Variants in CLIP2 observed in about 807,000 individuals in gnomAD.
The protein encoded by CLIP2 is CAP-Gly domain-containing linker protein 2.
CLIP2 carries 41 observed loss-of-function variants against 111.7 expected under a neutral mutation model. That is an observed-to-expected ratio of 0.37 (90% CI 0.29 to 0.48). The LOEUF is 0.48. Ranked by LOEUF, CLIP2 falls within the 20% of genes least tolerant of loss-of-function variation. The pLI, the probability that CLIP2 is intolerant of heterozygous loss-of-function variation, is 0.99. For synonymous variants in CLIP2, 660 were observed against 644.2 expected (o/e 1.02, Z -0.37); for missense variants, 1,160 against 1,422.1 (o/e 0.82, Z 2.96).
intron 2 of CLIP2, among the ~76,000 whole-genome samples, chr7:74,328,969 G>A (rs890638226): frequency 2.0e-5 from 3 of 150,640 alleles, no homozygotes; most frequent in Non-Finnish European, 3.0e-5. Flanking sequence ...CTGGAGTGCA[G>A]TGGTGCGATC....
At chr7:74,301,065 CCTTTCCT>C (rs1425646291) in intron 1 of CLIP2, among the ~76,000 whole-genome samples, 1 of 152,178 alleles carries the variant, frequency 6.6e-6, no homozygotes, top group African/African-American at 2.4e-5. Context: ...ATACGCGTTC[CCTTTCCT>C]CCACATCCTC....
intron 13 of CLIP2, among the ~76,000 whole-genome samples, chr7:74,391,813 CTG>C (rs781918366): frequency 7.9e-5 from 12 of 151,274 alleles, no homozygotes; most frequent in Non-Finnish European, 1.6e-4. Context: ...GAGTGAGACT[CTG>C]TCTCAAAGAA....
intron 2 of CLIP2, among the ~76,000 whole-genome samples, chr7:74,332,288 G>A (rs1326250846): frequency 6.6e-6 from 1 of 151,916 alleles, no homozygotes; most frequent in African/African-American, 2.4e-5. Flanking sequence ...TGACCAGGCT[G>A]TTCTTGAACT....
At chr7:74,357,977 G>A (rs547316968) in intron 6 of CLIP2, among the ~76,000 whole-genome samples, 91 of 150,500 alleles carry the variant, frequency 6.0e-4, no homozygotes, top group Non-Finnish European at 9.9e-4. Context: ...GGCTGGTCTC[G>A]AACTCCTGAC....
At chr7:74,330,059 G>A (rs542434457) in intron 2 of CLIP2, among the ~76,000 whole-genome samples, 8 of 151,696 alleles carry the variant, frequency 5.3e-5, no homozygotes, top group Non-Finnish European at 1.2e-4. Flanking sequence ...AATTACAGAT[G>A]TGAGCCACTG....
intron 1 of CLIP2, among the ~76,000 whole-genome samples, chr7:74,293,528 A>G (rs1371137212): frequency 1.3e-5 from 2 of 151,484 alleles, no homozygotes; most frequent in African/African-American, 4.8e-5. Flanking sequence ...GAGGAAGCCC[A>G]CCCGCCTCTG....
chr7:74,357,216 G>A (rs1790171931), intron 5 of CLIP2, 64 bp from the exon 6 acceptor site: 7 of 1,471,716 alleles, frequency 4.8e-6, no homozygotes, highest in Non-Finnish European at 6.6e-6. Flanking sequence ...AGGCTGGACA[G>A]AGCCAGTCTG....
chr7:74,340,098 A>G (rs1789615653), intron 3 of CLIP2, among the ~76,000 whole-genome samples: 1 of 151,250 alleles, frequency 6.6e-6, no homozygotes, highest in African/African-American at 2.4e-5. Flanking sequence ...TGTTTCAATA[A>G]TAATAATAAT....
intron 1 of CLIP2, among the ~76,000 whole-genome samples, chr7:74,315,031 CT>C (rs1239840582): frequency 2.6e-5 from 4 of 152,050 alleles, no homozygotes; most frequent in African/African-American, 9.7e-5. Flanking sequence ...AATCCCAGCA[CT>C]TTGGGAGGCG....
At chr7:74,332,601 G>A (rs1480476878) in intron 2 of CLIP2, among the ~76,000 whole-genome samples, 2 of 151,612 alleles carry the variant, frequency 1.3e-5, no homozygotes, top group Admixed American at 6.6e-5. Context: ...CCCAACCAGG[G>A]TGATGAGTTT....
At chr7:74,373,506 A>G (rs1554312307) in intron 9 of CLIP2, among the ~76,000 whole-genome samples, 1 of 152,086 alleles carries the variant, frequency 6.6e-6, no homozygotes. Flanking sequence ...TCAAAAACAA[A>G]ACAAAAAGAA....
chr7:74,292,394 T>C (rs1487476000), intron 1 of CLIP2, among the ~76,000 whole-genome samples: 1 of 152,200 alleles, frequency 6.6e-6, no homozygotes, highest in Non-Finnish European at 1.5e-5. Context: ...AGAATTGTTC[T>C]GAGCTTTTTT....
chr7:74,365,738 C>G (rs931728151), intron 8 of CLIP2, among the ~76,000 whole-genome samples: 11 of 152,128 alleles, frequency 7.2e-5, no homozygotes, highest in Admixed American at 1.3e-4. Context: ...AAGTCCCACT[C>G]ATCCCCTCAT....
intron 1 of CLIP2, among the ~76,000 whole-genome samples, chr7:74,317,249 G>A (rs560187207): frequency 6.6e-6 from 1 of 152,178 alleles, no homozygotes; most frequent in Non-Finnish European, 1.5e-5. Context: ...TAAGGCAATA[G>A]CCTCTCTGTG....
intron 8 of CLIP2, among the ~76,000 whole-genome samples, chr7:74,366,172 A>G (rs1172744074): frequency 2.0e-5 from 3 of 151,454 alleles, no homozygotes; most frequent in Admixed American, 1.3e-4. Flanking sequence ...GCCTGTCTTT[A>G]TTGCAAAACC....
intron 13 of CLIP2, among the ~76,000 whole-genome samples, chr7:74,395,090 CA>C (rs1195407103): frequency 4.6e-5 from 7 of 152,318 alleles, no homozygotes; most frequent in African/African-American, 1.4e-4. Flanking sequence ...CAGCTGTCAA[CA>C]GCCTCCTTCC....
chr7:74,351,386 G>A (rs1789991809), intron 3 of CLIP2, among the ~76,000 whole-genome samples: 1 of 148,118 alleles, frequency 6.8e-6, no homozygotes, highest in Non-Finnish European at 1.5e-5. Context: ...AGGAGGCCAA[G>A]GTTGTGGTGA....
chr7:74,330,606 TA>T (rs781854410), intron 2 of CLIP2, among the ~76,000 whole-genome samples: 10 of 152,004 alleles, frequency 6.6e-5, no homozygotes, highest in Non-Finnish European at 1.3e-4. Flanking sequence ...CCTCTTCCCC[TA>T]CCCCCAGGCC....
intron 1 of CLIP2, among the ~76,000 whole-genome samples, chr7:74,301,242 CTT>C (rs1479990872): frequency 6.6e-6 from 1 of 152,150 alleles, no homozygotes; most frequent in African/African-American, 2.4e-5. Context: ...TGTGTGCACT[CTT>C]TTTATGTCCG....
Sources: allele counts gnomAD v4.1 joint callset (sites outside exome capture counted in the v4.1 genomes callset), GRCh38; gene constraint gnomAD v4.1.1; transcripts MANE v1.5; gene names NCBI Gene and HGNC (gene_info 2026-07-23, HGNC 2026-07-21).